Variants in TASP1 observed in about 807,000 individuals in gnomAD.
TASP1 encodes the protein taspase 1, also known as threonine aspartase 1.
TASP1 carries 16 observed loss-of-function variants against 56.6 expected under a neutral mutation model. The observed-to-expected ratio is 0.28, with a 90% CI of 0.19 to 0.43. The LOEUF (loss-of-function observed/expected upper bound fraction) is 0.43, where lower values mean the gene tolerates loss of function less well. TASP1 is among the 20% of genes least tolerant of loss of function. The pLI is 1.00. For missense variants in TASP1, 393 were observed against 511.6 expected, an observed-to-expected ratio of 0.77 and a Z score of 2.24; for synonymous variants, 179 against 184.2, an observed-to-expected ratio of 0.97 and a Z score of 0.23.
chr20:13,258,709 C>A, the TASP1 span, among the ~76,000 whole-genome samples: 1 of 152,014 alleles, frequency 6.6e-6, no homozygotes, highest in Non-Finnish European at 1.5e-5. Context: ...CTGGGAGGAG[C>A]TGTTTCTCTA....
the TASP1 span, among the ~76,000 whole-genome samples, chr20:13,260,860 G>A: frequency 3.9e-5 from 6 of 152,128 alleles, no homozygotes. Context: ...GGGTCAGCAG[G>A]GTGGCTCTCA....
chr20:13,472,863 A>G (rs2044566414), intron 11 of TASP1, among the ~76,000 whole-genome samples: 1 of 151,674 alleles, frequency 6.6e-6, no homozygotes, highest in Non-Finnish European at 1.5e-5. Context: ...GTGGAGAAAT[A>G]GGAACGCTTT....
chr20:13,494,952 GA>G (rs59891882), intron 10 of TASP1, among the ~76,000 whole-genome samples: 29 of 144,236 alleles, frequency 2.0e-4, no homozygotes, highest in African/African-American at 1.5e-4. Context: ...TCATGAGCCA[GA>G]AAAAAAAAAC....
intron 4 of TASP1, among the ~76,000 whole-genome samples, chr20:13,618,449 G>A (rs2048598720): frequency 6.6e-6 from 1 of 152,004 alleles, no homozygotes; most frequent in Non-Finnish European, 1.5e-5. Context: ...ACAGACAAAT[G>A]TATAACAGTA....
At chr20:13,423,625 C>T (rs1293083636) in intron 12 of TASP1, among the ~76,000 whole-genome samples, 1 of 152,142 alleles carries the variant, frequency 6.6e-6, no homozygotes, top group Non-Finnish European at 1.5e-5. Flanking sequence ...CTTGTAAGTA[C>T]ATAGAGTCTC....
At chr20:13,287,451 T>TG in the TASP1 span, among the ~76,000 whole-genome samples, 1 of 152,116 alleles carries the variant, frequency 6.6e-6, no homozygotes, top group Admixed American at 6.5e-5. Context: ...AAGATGTGGG[T>TG]GGGGAGACAG....
intron 4 of TASP1, 105 bp from the exon 5 acceptor site, chr20:13,587,475 C>G (rs2047349105): frequency 2.2e-6 from 2 of 924,950 alleles, no homozygotes; most frequent in Admixed American, 2.9e-5. Flanking sequence ...AGAATACTTT[C>G]CAACACATAG....
chr20:13,180,664 A>C, the TASP1 span, among the ~76,000 whole-genome samples: 2 of 152,196 alleles, frequency 1.3e-5, no homozygotes, highest in Non-Finnish European at 2.9e-5. Context: ...TAACATTGGA[A>C]TACAAAGGCA....
intron 6 of TASP1, 125 bp downstream of exon 6, chr20:13,580,772 G>T: frequency 2.3e-6 from 2 of 877,066 alleles, no homozygotes; most frequent in Non-Finnish European, 3.6e-6. Flanking sequence ...AATGTTCCAA[G>T]ATCACGGAAC....
At chr20:13,222,187 G>A in the TASP1 span, among the ~76,000 whole-genome samples, 8 of 152,182 alleles carry the variant, frequency 5.3e-5, no homozygotes, top group African/African-American at 1.9e-4. Flanking sequence ...GGGGAGGTGG[G>A]AAGGAGCGAG....
At chr20:13,484,776 T>C (rs938431262) in intron 10 of TASP1, among the ~76,000 whole-genome samples, 4 of 148,618 alleles carry the variant, frequency 2.7e-5, no homozygotes, top group African/African-American at 9.9e-5. Flanking sequence ...GTAGCATGTA[T>C]ACACCATGGA....
intron 8 of TASP1, among the ~76,000 whole-genome samples, chr20:13,552,493 G>A (rs2046012226): frequency 6.6e-6 from 1 of 152,200 alleles, no homozygotes; most frequent in African/African-American, 2.4e-5. Context: ...TGACACTGCT[G>A]CCATTAAGGC....
At chr20:13,586,468 A>T (rs1376653992) in intron 5 of TASP1, among the ~76,000 whole-genome samples, 2 of 152,184 alleles carry the variant, frequency 1.3e-5, no homozygotes, top group Non-Finnish European at 2.9e-5. Context: ...GGAACAGGCA[A>T]ATTAATCTAT....
the TASP1 span, among the ~76,000 whole-genome samples, chr20:13,331,576 C>T: frequency 2.6e-5 from 4 of 152,064 alleles, no homozygotes; most frequent in Non-Finnish European, 4.4e-5. Flanking sequence ...CTGTTCCATA[C>T]ATAATTCCTG....
the TASP1 span, among the ~76,000 whole-genome samples, chr20:13,288,198 T>C: frequency 0.017 from 2,517 of 152,348 alleles, 74 homozygotes; most frequent in African/African-American, 0.057. Context: ...AATGAGAGGC[T>C]ATAAGCACAG....
the TASP1 span, among the ~76,000 whole-genome samples, chr20:13,339,636 C>A: frequency 6.6e-6 from 1 of 151,952 alleles, no homozygotes; most frequent in Non-Finnish European, 1.5e-5. Flanking sequence ...TTTGTAGACA[C>A]CAATAATACA....
At chr20:13,384,669 C>CT (rs2041151466), downstream of TASP1, among the ~76,000 whole-genome samples, 1 of 152,158 alleles carries the variant, frequency 6.6e-6, no homozygotes, top group Non-Finnish European at 1.5e-5. Context: ...ATATTATTAA[C>CT]TTTATGTTTC....
rs183037630 is a variant in TASP1, at chr20:13,409,806, T to A, written c.1170+7642A>T. Among the ~76,000 whole-genome samples the A allele has an allele frequency of 6.8e-3, 1,043 of 152,290 alleles. 9 individuals are homozygous for A. The highest frequency in any genetic ancestry group is 9.4e-3 in the Non-Finnish European group (640 of 68,008). On this transcript the variant is annotated intron_variant, in intron 13 of 13. Transcript: ENST00000337743. ...TATTTGGGGTATCCATCACCTTGAG[T>A]ATTTATCATTTCTATACATATTGGG...
chr20:13,298,908 C>G, the TASP1 span: 1 of 1,603,418 alleles, frequency 6.2e-7, no homozygotes, highest in Admixed American at 1.7e-5. Context: ...CGGTTGTACA[C>G]GCGGTGAGAG....
Sources: allele counts gnomAD v4.1 joint callset (sites outside exome capture counted in the v4.1 genomes callset), GRCh38; gene constraint gnomAD v4.1.1; transcripts MANE v1.5; gene names NCBI Gene and HGNC (gene_info 2026-07-23, HGNC 2026-07-21).